The following CFAP299 variants were observed in gnomAD, a reference collection of about 807,000 sequenced individuals.
CFAP299 encodes cilia- and flagella-associated protein 299.
A neutral mutation model predicts 27.0 loss-of-function variants in CFAP299; 21 were observed. That is an observed-to-expected ratio of 0.78 (90% CI 0.55 to 1.12). The LOEUF (loss-of-function observed/expected upper bound fraction) is 1.12. CFAP299 is among the 50% of genes most tolerant of loss of function. The pLI is 0.00. For missense variants in CFAP299, 310 were observed against 276.6 expected (o/e 1.12, Z -0.86); for synonymous variants, 104 against 98.1 (o/e 1.06, Z -0.36).
At chr4:80,474,014 A>C (rs1212622250) in intron 2 of CFAP299, among the ~76,000 whole-genome samples, 1 of 152,238 alleles carries the variant, frequency 6.6e-6, no homozygotes, top group Non-Finnish European at 1.5e-5. Flanking sequence ...TGATTTTAAA[A>C]TTGAAGTTTA....
At position 80,359,066 on chromosome 4, in the gene CFAP299, C is replaced by T. The variant is rs1723414384; in HGVS notation, c.112-3688C>T. Among the ~76,000 whole-genome samples the T allele has an allele frequency of 3.3e-5, 5 of 151,954 alleles. No individual in the cohort carries two copies. The South Asian group carries it at 1.0e-3, about 31-fold the overall frequency. ...TTGTCTGAAAAGGATCTTATTTCTC[C>T]TTTGTTTATGAAGCTTGGTTTGGCC... On this transcript the variant is annotated intron_variant, in intron 1 of 5. Transcript: ENST00000358105.
intron 2 of CFAP299, among the ~76,000 whole-genome samples, chr4:80,390,830 T>C (rs1277358609): frequency 6.8e-6 from 1 of 146,112 alleles, no homozygotes; most frequent in Admixed American, 7.0e-5. Context: ...TATGTATATG[T>C]ATATATGTAT....
At chr4:80,557,975 C>A (rs779642963) in intron 2 of CFAP299, among the ~76,000 whole-genome samples, 1 of 151,748 alleles carries the variant, frequency 6.6e-6, no homozygotes, top group Non-Finnish European at 1.5e-5. Flanking sequence ...CTTGAAGGCC[C>A]ATCAGTAATA....
intron 3 of CFAP299, among the ~76,000 whole-genome samples, chr4:80,864,136 T>G (rs1732547023): frequency 6.6e-6 from 1 of 152,034 alleles, no homozygotes; most frequent in African/African-American, 2.4e-5. Flanking sequence ...TCACTTAAAC[T>G]TCATTGTGAA....
chr4:80,851,405 T>C (rs987080719), intron 3 of CFAP299, among the ~76,000 whole-genome samples: 5 of 152,222 alleles, frequency 3.3e-5, no homozygotes, highest in African/African-American at 1.2e-4. Context: ...CTTAACATTT[T>C]GTGAAAATAG....
chr4:80,337,005 G>A (rs1397417776), intron 1 of CFAP299, among the ~76,000 whole-genome samples: 3 of 152,154 alleles, frequency 2.0e-5, no homozygotes, highest in Admixed American at 6.5e-5. Flanking sequence ...TTATTCTTCA[G>A]TACATTTAAA....
intron 3 of CFAP299, among the ~76,000 whole-genome samples, chr4:80,785,121 C>G (rs896940536): frequency 1.4e-5 from 2 of 147,886 alleles, no homozygotes; most frequent in Non-Finnish European, 3.0e-5. Context: ...AGGTCAATGT[C>G]AAGGAGCTCT....
intron 3 of CFAP299, among the ~76,000 whole-genome samples, chr4:80,756,590 A>AT (rs1725252088): frequency 2.0e-5 from 3 of 152,288 alleles, no homozygotes; most frequent in Admixed American, 2.0e-4. Context: ...GAATAACAAT[A>AT]TTTTATGACA....
chr4:80,390,554 TATATATGTATATATGTATACACAC>T (rs1203189620), intron 2 of CFAP299, among the ~76,000 whole-genome samples: 4 of 133,470 alleles, frequency 3.0e-5, no homozygotes, highest in Non-Finnish European at 1.6e-5. Flanking sequence ...CACATATATG[TATATATGTATATATGTATACACAC>T]ATATATGTAT....
intron 3 of CFAP299, among the ~76,000 whole-genome samples, chr4:80,693,132 G>T (rs1720843749): frequency 6.6e-6 from 1 of 152,226 alleles, no homozygotes; most frequent in African/African-American, 2.4e-5. Context: ...GTGGAAGTCA[G>T]TGTGGGCGAT....
At chr4:80,849,330 G>A (rs374263344) in intron 3 of CFAP299, among the ~76,000 whole-genome samples, 3 of 152,160 alleles carry the variant, frequency 2.0e-5, no homozygotes, top group Non-Finnish European at 2.9e-5. Flanking sequence ...CATGAGGTTC[G>A]TTGTTAACCA....
chr4:80,379,226 C>G (rs1332221080), intron 2 of CFAP299, among the ~76,000 whole-genome samples: 1 of 151,968 alleles, frequency 6.6e-6, no homozygotes, highest in Admixed American at 6.6e-5. Context: ...TAAAGTCATT[C>G]TTAATATCAT....
At chr4:80,538,655 T>C (rs1733861462) in intron 2 of CFAP299, among the ~76,000 whole-genome samples, 1 of 152,204 alleles carries the variant, frequency 6.6e-6, no homozygotes, top group Admixed American at 6.5e-5. Context: ...TTGCCTCCAG[T>C]ATTTCAGTAC....
chr4:80,770,744 C>T (rs1474113003), intron 3 of CFAP299, among the ~76,000 whole-genome samples: 1 of 152,086 alleles, frequency 6.6e-6, no homozygotes, highest in Non-Finnish European at 1.5e-5. Flanking sequence ...AATATTTGTT[C>T]CCAACCTCCC....
chr4:80,818,407 T>C (rs1455647982), intron 3 of CFAP299, among the ~76,000 whole-genome samples: 1 of 152,290 alleles, frequency 6.6e-6, no homozygotes, highest in Non-Finnish European at 1.5e-5. Context: ...GCCCTTTCTT[T>C]GAAATACTAC....
chr4:80,611,650 A>G (rs1737987006), intron 3 of CFAP299, among the ~76,000 whole-genome samples: 1 of 152,068 alleles, frequency 6.6e-6, no homozygotes, highest in Admixed American at 6.6e-5. Flanking sequence ...CAGGGTTCAA[A>G]TCAAAATTGC....
chr4:80,663,701 G>A (rs531473555), intron 3 of CFAP299, among the ~76,000 whole-genome samples: 3 of 152,250 alleles, frequency 2.0e-5, no homozygotes, highest in Admixed American at 6.5e-5. Flanking sequence ...GATCCTTGAG[G>A]AATCGCCACA....
chr4:80,825,485 C>T (rs1174776056), intron 3 of CFAP299, among the ~76,000 whole-genome samples: 1 of 151,898 alleles, frequency 6.6e-6, no homozygotes, highest in African/African-American at 2.4e-5. Flanking sequence ...TTATAAAATT[C>T]TTAAAACAAC....
intron 2 of CFAP299, among the ~76,000 whole-genome samples, chr4:80,447,138 T>C (rs13104340): frequency 5.5e-4 from 62 of 112,016 alleles, no homozygotes; most frequent in Middle Eastern, 5.0e-3. Flanking sequence ...TTGTTTTTTT[T>C]TTTTTTTTTT....
Sources: gnomAD v4.1 joint callset for allele counts (sites outside exome capture counted in the v4.1 genomes callset) on GRCh38, gnomAD v4.1.1 for gene constraint, MANE v1.5 for transcripts, NCBI Gene and HGNC (gene_info 2026-07-23, HGNC 2026-07-21) for gene names.